The following GPATCH3 variants were observed in gnomAD, a reference collection of about 807,000 sequenced individuals.
GPATCH3 encodes the protein G-patch domain containing 3.
GPATCH3 carries 45 observed loss-of-function variants against 53.2 expected under a neutral mutation model. The observed-to-expected ratio is 0.85, with a 90% CI of 0.67 to 1.08. The LOEUF (loss-of-function observed/expected upper bound fraction) is 1.08, where lower values mean the gene tolerates loss of function less well. Among genes scored for constraint, GPATCH3 ranks in the 50% least tolerant of loss-of-function variants. The pLI is 0.00. For missense variants in GPATCH3, 680 were observed against 687.2 expected (o/e 0.99, Z 0.12); for synonymous variants, 280 against 270.6 (o/e 1.03, Z -0.34).
chr1:26,896,163 C>T (rs529463244), intron 2 of GPATCH3, among the ~76,000 whole-genome samples: 61 of 152,206 alleles, frequency 4.0e-4, no homozygotes, highest in Admixed American at 8.5e-4. Context: ...TATGACAGCA[C>T]GCACAGGTTA....
At chr1:26,895,522 TAAAAAAAAAA>T (rs763002456) in intron 2 of GPATCH3, among the ~76,000 whole-genome samples, 14 of 84,464 alleles carry the variant, frequency 1.7e-4, no homozygotes, top group Non-Finnish European at 3.0e-4. Context: ...AGAGCCTGCT[TAAAAAAAAAA>T]AAAAAAAAAA....
In GPATCH3 at chr1:26,897,317, T is replaced by A. The variant is rs368455367; in HGVS notation, c.860A>T (p.Glu287Val). The A allele has an allele frequency of 2.7e-5, 43 of 1,613,956 alleles. No homozygotes were observed. The highest frequency in any genetic ancestry group is 3.5e-5 in the Non-Finnish European group (41 of 1,179,986). The part of the protein sequence containing the change: ...EEEVGKEEEE[E>V]SHSDEDDDRG... ...TGTACTCACCTCATCTGAGTGAGAC[T>A]CTTCTTCCTCTTCCTTCCCCACTTC... Residue 287 changes from glutamate (E) to valine (V), a missense_variant, in exon 2 of 7, where the codon GAG becomes GTG. Transcript: ENST00000361720.
Position 26,900,366 on chromosome 1 carries a change from G to T in GPATCH3, c.77C>A (p.Ser26Ter), listed in dbSNP as rs767248035. Residue 26 changes from serine (S) to a stop codon, truncating the protein, a stop_gained, in exon 1 of 7, where the codon TCG becomes TAG. Coordinates refer to ENST00000361720, the MANE Select transcript of GPATCH3 (RefSeq NM_022078.3). LOFTEE classifies it high-confidence loss of function. ...GCTAAAATAGCTCCGTAAATGGGCC[G>T]AGCGCAACACGGAGGGGATACCGCT... ...VVSGIPSVLR[S>*]AHLRSYFSQF... The T allele has an allele frequency of 1.2e-6, 2 of 1,614,024 alleles. No homozygotes were observed. The highest frequency in any genetic ancestry group is 3.3e-5 in the Admixed American group (2 of 60,022).
In GPATCH3 at chr1:26,894,217, G is replaced by C. The variant is rs773240690; in HGVS notation, c.1051+19C>G. 88 of 1,611,422 alleles carry C rather than the reference G, an allele frequency of 5.5e-5. No individual in the cohort carries two copies. Among genetic ancestry groups the C allele is most frequent in the Non-Finnish European group, 7.2e-5 (85 of 1,178,374 alleles). ...TGCAGCAGGGGTCACCCCTGCCTTT[G>C]CCTGGGTACCAGCATTACCTCCTTC... On this transcript the variant is annotated intron_variant, in intron 3 of 6. Transcript: ENST00000361720.
At chr1:26,894,457 C>A (rs1451485404) in intron 2 of GPATCH3, 47 bp from the exon 3 acceptor site, 4 of 1,583,380 alleles carry the variant, frequency 2.5e-6, no homozygotes, top group Non-Finnish European at 2.6e-6. Flanking sequence ...TGACCTCATG[C>A]CCCGAGGGAG....
At chr1:26,898,203 G>A (rs1423576727) in intron 1 of GPATCH3, among the ~76,000 whole-genome samples, 1 of 152,108 alleles carries the variant, frequency 6.6e-6, no homozygotes, top group African/African-American at 2.4e-5. Flanking sequence ...AACTTCTCCA[G>A]GTCTTTTCAT....
rs2081919922 is a variant in GPATCH3, at chr1:26,890,679, C to G, written c.*331G>C. ...CCCTTTCTGGCCTTCGTGGGGACACCTTCAGAGTCCCCAAGGAAGGCTGTG... is the reference window on the plus strand; with the variant it reads ...CCCTTTCTGGCCTTCGTGGGGACACGTTCAGAGTCCCCAAGGAAGGCTGTG... On this transcript the variant is annotated 3_prime_UTR_variant, in exon 7 of 7. Coordinates refer to ENST00000361720, the MANE Select transcript of GPATCH3 (RefSeq NM_022078.3). 2.1e-6 allele frequency: 1 copy of G among 472,504 alleles called. No individual in the cohort carries two copies. The highest frequency in any genetic ancestry group is 2.0e-5 in the African/African-American group (1 of 50,400). 29.3% of individuals were successfully genotyped at this position (472,504 alleles called of 1,614,324 possible).
At chr1:26,895,352 C>T (rs979661776) in intron 2 of GPATCH3, among the ~76,000 whole-genome samples, 2 of 151,932 alleles carry the variant, frequency 1.3e-5, no homozygotes, top group African/African-American at 2.4e-5. Context: ...AGTCAAAACC[C>T]TATCTCTACA....
intron 2 of GPATCH3, among the ~76,000 whole-genome samples, chr1:26,896,533 TAAAA>T (rs35265758): frequency 6.7e-5 from 7 of 104,676 alleles, no homozygotes; most frequent in Non-Finnish European, 1.4e-4. Context: ...CTACTAAAAA[TAAAA>T]AAAAAAAAAA....
intron 2 of GPATCH3, among the ~76,000 whole-genome samples, chr1:26,896,013 T>C (rs1318574414): frequency 4.6e-5 from 7 of 152,210 alleles, no homozygotes; most frequent in Admixed American, 3.9e-4. Flanking sequence ...AATCACACCT[T>C]ACTTGATTTT....
intron 2 of GPATCH3, 116 bp downstream of exon 2, chr1:26,897,185 C>T: frequency 1.1e-6 from 1 of 921,412 alleles, no homozygotes; most frequent in Non-Finnish European, 1.7e-6. Context: ...CTCCTTGGAA[C>T]CCTCCTGAGG....
chr1:26,895,543 A>AG (rs1342163879), intron 2 of GPATCH3, among the ~76,000 whole-genome samples: 2 of 147,994 alleles, frequency 1.4e-5, no homozygotes, highest in South Asian at 4.3e-4. Flanking sequence ...AAAAAAAAAA[A>AG]GGAAAGGAAG....
intron 1 of GPATCH3, among the ~76,000 whole-genome samples, chr1:26,899,701 G>C (rs897471219): frequency 6.6e-6 from 1 of 152,222 alleles, no homozygotes; most frequent in Non-Finnish European, 1.5e-5. Context: ...AAGGGTTAGA[G>C]ACTGGATTTC....
At chr1:26,896,144 C>T (rs959598826) in intron 2 of GPATCH3, among the ~76,000 whole-genome samples, 1 of 152,120 alleles carries the variant, frequency 6.6e-6, no homozygotes, top group African/African-American at 2.4e-5. Flanking sequence ...GATGACTGTT[C>T]AGCCACATTA....
chr1:26,900,152 G>C lies in GPATCH3; in HGVS notation c.291C>G (p.Ile97Met), dbSNP rs781684975. Reference sequence around the variant, plus strand: ...TGACGCAGCAGCAGGTGCGGGTCTGGATTGGAGTAGAGTCTCGAGTGGAGA... The same window carrying C: ...TGACGCAGCAGCAGGTGCGGGTCTGCATTGGAGTAGAGTCTCGAGTGGAGA... Reference protein sequence around the residue: ...RPLSTRDSTPIQTRTCCCVIS... With the variant: ...RPLSTRDSTPMQTRTCCCVIS... The change falls in exon 1 of 7, where the codon ATC (isoleucine) becomes ATG (methionine). Residue 97 changes from isoleucine (I) to methionine (M), a missense_variant. Transcript: ENST00000361720. 19 of 1,614,066 alleles carry C rather than the reference G, an allele frequency of 1.2e-5. No homozygotes were observed. The highest frequency in any genetic ancestry group is 3.3e-5 in the Admixed American group (2 of 59,996).
At position 26,893,529 on chromosome 1, in the gene GPATCH3, CTTTTTTTTTTT is replaced by C. The variant is rs57218076; in HGVS notation, c.1052-92_1052-82del. ...AGAGTTAAACCTAGAGTTTTTTTGG[CTTTTTTTTTTT>C]TTTTTTTTTTGAGACAGAATCTCAT... On this transcript the variant is annotated intron_variant, in intron 3 of 6. Transcript: ENST00000361720. 16 of 373,110 alleles carry C rather than the reference CTTTTTTTTTTT, an allele frequency of 4.3e-5. 1 individual carries two copies. The East Asian group carries it at 4.6e-4, about 11-fold the overall frequency. 23.1% of individuals were successfully genotyped at this position (373,110 alleles called of 1,614,324 possible). A position where few individuals can be genotyped will look rare whatever the true frequency, so the allele number is the denominator to read the frequency against.
chr1:26,896,850 G>A (rs1194247732), intron 2 of GPATCH3, among the ~76,000 whole-genome samples: 6 of 151,434 alleles, frequency 4.0e-5, no homozygotes, highest in East Asian at 1.9e-4. Flanking sequence ...GTGAAACCCC[G>A]TCTCTACTAA....
chr1:26,894,548 G>A, intron 2 of GPATCH3, 138 bp from the exon 3 acceptor site: 1 of 812,340 alleles, frequency 1.2e-6, no homozygotes, highest in Non-Finnish European at 2.0e-6. Flanking sequence ...GCACATATTT[G>A]GCCCCTGACC....
intron 1 of GPATCH3, among the ~76,000 whole-genome samples, chr1:26,899,223 CACTA>C (rs1315454924): frequency 7.2e-5 from 11 of 152,214 alleles, no homozygotes; most frequent in East Asian, 1.9e-4. Context: ...GTAGCTCTGA[CACTA>C]ACTAACTCTG....
Sources: gnomAD v4.1 joint callset for allele counts (sites outside exome capture counted in the v4.1 genomes callset) on GRCh38, gnomAD v4.1.1 for gene constraint, MANE v1.5 for transcripts, NCBI Gene and HGNC (gene_info 2026-07-23, HGNC 2026-07-21) for gene names.